TMEM135: variants seen among roughly 807,000 people sequenced by gnomAD.
TMEM135 encodes transmembrane protein 135.
In TMEM135, 30 loss-of-function variants were observed where a neutral mutation model predicts 60.3. That is an observed-to-expected ratio of 0.50 (90% CI 0.37 to 0.68). The LOEUF (loss-of-function observed/expected upper bound fraction) is 0.68. TMEM135 is among the 30% of genes least tolerant of loss of function. The pLI, the probability that TMEM135 is intolerant of heterozygous loss-of-function variation, is 0.00. For synonymous variants in TMEM135, 190 were observed against 186.7 expected, an observed-to-expected ratio of 1.02 and a Z score of -0.14; for missense variants, 468 against 548.8, an observed-to-expected ratio of 0.85 and a Z score of 1.47.
intron 5 of TMEM135, among the ~76,000 whole-genome samples, chr11:87,222,421 C>A (rs898336817): frequency 1.1e-4 from 16 of 148,956 alleles, no homozygotes; most frequent in African/African-American, 4.0e-4. Flanking sequence ...TGGCGTGAAC[C>A]CTGGGGGGCT....
At chr11:87,178,441 G>A (rs570543678) in intron 5 of TMEM135, 30 of 455,880 alleles carry the variant, frequency 6.6e-5, no homozygotes, top group Middle Eastern at 3.3e-4. Context: ...AACATAATGC[G>A]TTTTGTTTTT....
At chr11:87,065,687 A>G (rs1015976850) in intron 1 of TMEM135, among the ~76,000 whole-genome samples, 8 of 152,182 alleles carry the variant, frequency 5.3e-5, no homozygotes, top group East Asian at 1.9e-4. Flanking sequence ...CAGTTTATCA[A>G]TTTTCTCTTT....
chr11:87,222,415 G>T (rs1341200174), intron 5 of TMEM135, among the ~76,000 whole-genome samples: 1 of 149,398 alleles, frequency 6.7e-6, no homozygotes. Flanking sequence ...GGAGAATGGC[G>T]TGAACCCTGG....
intron 5 of TMEM135, among the ~76,000 whole-genome samples, chr11:87,185,508 TG>T (rs1939629051): frequency 7.0e-6 from 1 of 142,084 alleles, no homozygotes; most frequent in South Asian, 2.3e-4. Context: ...TCATATGTGG[TG>T]TTTTTTTTTC....
chr11:87,093,730 C>T (rs1189128286), intron 4 of TMEM135, among the ~76,000 whole-genome samples: 2 of 151,560 alleles, frequency 1.3e-5, no homozygotes, highest in African/African-American at 2.4e-5. Context: ...GACGGGGTTT[C>T]ACCATGTTGG....
chr11:87,235,630 A>T (rs781153162), intron 5 of TMEM135, among the ~76,000 whole-genome samples: 68 of 152,060 alleles, frequency 4.5e-4, no homozygotes, highest in Middle Eastern at 3.4e-3. Flanking sequence ...AAGAAGGTTC[A>T]TTTCTTATTT....
At chr11:87,120,494 CAG>C (rs1295591448) in intron 4 of TMEM135, among the ~76,000 whole-genome samples, 2 of 39,896 alleles carry the variant, frequency 5.0e-5, no homozygotes, top group Non-Finnish European at 1.0e-4. Flanking sequence ...TTTTTTGAGA[CAG>C]AGTTTCGCTC....
At chr11:87,125,837 A>C (rs988964810) in intron 4 of TMEM135, among the ~76,000 whole-genome samples, 1 of 152,232 alleles carries the variant, frequency 6.6e-6, no homozygotes, top group Non-Finnish European at 1.5e-5. Flanking sequence ...GAAAATTTAC[A>C]TACAAATGTT....
chr11:87,186,591 T>A (rs1939660556), intron 5 of TMEM135, among the ~76,000 whole-genome samples: 1 of 152,222 alleles, frequency 6.6e-6, no homozygotes, highest in African/African-American at 2.4e-5. Flanking sequence ...ATAAAGTTCA[T>A]CTTTTTTTGT....
intron 7 of TMEM135, among the ~76,000 whole-genome samples, chr11:87,300,973 C>T (rs1590857165): frequency 3.3e-5 from 5 of 152,106 alleles, no homozygotes; most frequent in Admixed American, 3.3e-4. Context: ...TCTGTTCTGG[C>T]ATAGTTTTAC....
chr11:87,247,685 C>A (rs182149934), intron 6 of TMEM135, among the ~76,000 whole-genome samples: 1 of 152,148 alleles, frequency 6.6e-6, no homozygotes, highest in Non-Finnish European at 1.5e-5. Flanking sequence ...TCTCCTGGTG[C>A]GCCGTTTTTT....
chr11:87,184,488 A>G (rs1441021272), intron 5 of TMEM135, among the ~76,000 whole-genome samples: 1 of 152,160 alleles, frequency 6.6e-6, no homozygotes, highest in Non-Finnish European at 1.5e-5. Flanking sequence ...TTTAAAAACA[A>G]AGACAATACA....
rs1221334786 is a variant in TMEM135 at position 87,325,613 on chromosome 11, T to G, written c.*4280T>G. 2.2e-6 allele frequency: 1 copy of G among 454,000 alleles called. No individual in the cohort carries two copies. The allele number at this position is 454,000 out of a possible 1,614,324, so 28.1% of individuals were successfully genotyped here. A position where few individuals can be genotyped will look rare whatever the true frequency, so the allele number is the denominator to read the frequency against. ...GTTAACTAGTCTCCTTGGACTTCATTGCAACCTTTTAAGCCAGCCGTTCAA... is the reference window on the plus strand; with the variant it reads ...GTTAACTAGTCTCCTTGGACTTCATGGCAACCTTTTAAGCCAGCCGTTCAA... On this transcript the variant is annotated 3_prime_UTR_variant, in exon 15 of 15. Transcript: ENST00000305494.
chr11:87,167,377 T>C (rs1939084396), intron 5 of TMEM135, among the ~76,000 whole-genome samples: 2 of 152,174 alleles, frequency 1.3e-5, no homozygotes, highest in South Asian at 4.1e-4. Context: ...GGCATCTTTG[T>C]CTTGTGCCCA....
chr11:87,177,869 A>G (rs762634172), intron 5 of TMEM135, among the ~76,000 whole-genome samples: 3 of 152,148 alleles, frequency 2.0e-5, no homozygotes, highest in Non-Finnish European at 4.4e-5. Flanking sequence ...TCCCAAATGT[A>G]TAGGTTCAGT....
At chr11:87,240,639 A>T (rs564058059) in intron 6 of TMEM135, among the ~76,000 whole-genome samples, 1 of 152,224 alleles carries the variant, frequency 6.6e-6, no homozygotes, top group African/African-American at 2.4e-5. Context: ...ACTCACACAT[A>T]AAAAAGAAAA....
chr11:87,243,806 T>A (rs77925321), intron 6 of TMEM135, among the ~76,000 whole-genome samples: 9,641 of 48,556 alleles, frequency 0.2, 1,744 homozygotes, highest in Middle Eastern at 0.51. Flanking sequence ...ACAGGGACAA[T>A]TTGACTTCCT....
chr11:87,101,189 T>C (rs571197962), intron 4 of TMEM135, among the ~76,000 whole-genome samples: 5 of 152,224 alleles, frequency 3.3e-5, no homozygotes, highest in African/African-American at 4.8e-5. Context: ...GGCCAAGATA[T>C]GTCTCTAAAA....
chr11:87,151,751 G>A (rs1938561761), intron 4 of TMEM135, among the ~76,000 whole-genome samples: 1 of 152,076 alleles, frequency 6.6e-6, no homozygotes, highest in Admixed American at 6.5e-5. Flanking sequence ...ACGAGAATGG[G>A]AAAGTGGTTG....
Sources: allele counts gnomAD v4.1 joint callset (sites outside exome capture counted in the v4.1 genomes callset), GRCh38; gene constraint gnomAD v4.1.1; transcripts MANE v1.5; gene names NCBI Gene and HGNC (gene_info 2026-07-23, HGNC 2026-07-21).